The following USH2A variants were observed in gnomAD, a reference collection of about 807,000 sequenced individuals.
USH2A encodes Usher syndrome 2A (autosomal recessive, mild).
USH2A carries 443 observed loss-of-function variants against 538.9 expected under a neutral mutation model. The ratio of observed to expected loss-of-function variants is 0.82; its 90% confidence interval spans 0.76 to 0.89. The LOEUF (loss-of-function observed/expected upper bound fraction) is 0.89. Ranked by LOEUF, USH2A falls within the 40% of genes least tolerant of loss-of-function variation. USH2A has a pLI of 0.00. For missense variants in USH2A, 6,633 were observed against 6,324.8 expected (o/e 1.05, Z -1.65); for synonymous variants, 2,413 against 2,273.5 (o/e 1.06, Z -1.75).
At chr1:215,743,386 ATGTG>A (rs61304768) in intron 58 of USH2A, 51 bp from the exon 59 acceptor site, 9,699 of 321,852 alleles carry the variant, frequency 0.03, 81 homozygotes, top group Non-Finnish European at 0.035. Flanking sequence ...ATATATATAT[ATGTG>A]TGTGTGTGTG....
At chr1:215,931,462 A>G (rs2102496908) in intron 38 of USH2A, among the ~76,000 whole-genome samples, 1 of 152,112 alleles carries the variant, frequency 6.6e-6, no homozygotes, top group South Asian at 2.1e-4. Context: ...AAGAATGAAG[A>G]GTTGGCATAA....
intron 40 of USH2A, among the ~76,000 whole-genome samples, chr1:215,899,170 G>C (rs1045226208): frequency 6.6e-6 from 1 of 152,108 alleles, no homozygotes. Context: ...ATAAACAATT[G>C]ATATTGTTGC....
chr1:216,368,632 A>G (rs2038644380), intron 3 of USH2A, among the ~76,000 whole-genome samples: 1 of 152,218 alleles, frequency 6.6e-6, no homozygotes, highest in Non-Finnish European at 1.5e-5. Context: ...AGGAGCTTGT[A>G]TGTATGATGA....
chr1:216,238,528 C>T (rs2035873444), intron 13 of USH2A, among the ~76,000 whole-genome samples: 1 of 152,144 alleles, frequency 6.6e-6, no homozygotes, highest in African/African-American at 2.4e-5. Context: ...TTTTAAAATA[C>T]TTAATGGAGG....
chr1:215,727,931 A>G, intron 61 of USH2A, 99 bp downstream of exon 61: 1 of 1,351,712 alleles, frequency 7.4e-7, no homozygotes, highest in South Asian at 1.2e-5. Context: ...CATATATTTA[A>G]GCCCTAAGTG....
intron 70 of USH2A, chr1:215,630,310 A>G (rs1049802611): frequency 2.9e-5 from 13 of 455,446 alleles, no homozygotes; most frequent in Non-Finnish European, 4.9e-5. Context: ...TTTTAAACAC[A>G]TTCCTTGCAT....
intron 44 of USH2A, among the ~76,000 whole-genome samples, chr1:215,849,904 A>C (rs1663971643): frequency 6.6e-6 from 1 of 152,128 alleles, no homozygotes; most frequent in African/African-American, 2.4e-5. Flanking sequence ...TTATTTGGGC[A>C]AATTTAAGAG....
intron 69 of USH2A, among the ~76,000 whole-genome samples, chr1:215,637,147 C>T (rs985669345): frequency 1.4e-4 from 22 of 152,058 alleles, no homozygotes; most frequent in African/African-American, 4.8e-4. Flanking sequence ...AGAGTAAATC[C>T]GTCTCTGTTG....
chr1:215,948,653 C>CCA (rs1388955771), intron 37 of USH2A, among the ~76,000 whole-genome samples: 1 of 151,726 alleles, frequency 6.6e-6, no homozygotes, highest in Non-Finnish European at 1.5e-5. Flanking sequence ...TTAGAAACAC[C>CCA]CACCCTCTTG....
At chr1:215,673,329 C>T (rs1571947054) in intron 63 of USH2A, among the ~76,000 whole-genome samples, 1 of 152,164 alleles carries the variant, frequency 6.6e-6, no homozygotes, top group African/African-American at 2.4e-5. Flanking sequence ...AATCAACACT[C>T]TTTCAGCCTT....
chr1:216,371,778 T>C (rs1009739141), intron 3 of USH2A, among the ~76,000 whole-genome samples: 1 of 152,152 alleles, frequency 6.6e-6, no homozygotes. Context: ...TAATAAACAC[T>C]AACTGATTGA....
At chr1:215,704,915 T>C (rs1659141657) in intron 61 of USH2A, among the ~76,000 whole-genome samples, 1 of 152,196 alleles carries the variant, frequency 6.6e-6, no homozygotes, top group African/African-American at 2.4e-5. Flanking sequence ...TTCTCCCCAC[T>C]AGACCTTGAA....
chr1:215,768,284 C>T (rs1340287662), intron 55 of USH2A, among the ~76,000 whole-genome samples: 1 of 152,168 alleles, frequency 6.6e-6, no homozygotes, highest in South Asian at 2.1e-4. Flanking sequence ...TCTGAAAGAA[C>T]AACAACTTTG....
At chr1:215,833,065 T>C (rs1229008145) in intron 47 of USH2A, among the ~76,000 whole-genome samples, 1 of 151,978 alleles carries the variant, frequency 6.6e-6, no homozygotes, top group Non-Finnish European at 1.5e-5. Flanking sequence ...GGAAAGAAGA[T>C]GCAAATAAAT....
chr1:216,260,669 C>T (rs1006108986), intron 11 of USH2A, among the ~76,000 whole-genome samples: 3 of 152,114 alleles, frequency 2.0e-5, no homozygotes, highest in African/African-American at 7.2e-5. Flanking sequence ...CCTTTTCAAC[C>T]CCACTCAGCC....
intron 21 of USH2A, among the ~76,000 whole-genome samples, chr1:216,101,248 G>T (rs912341992): frequency 6.6e-6 from 1 of 151,940 alleles, no homozygotes; most frequent in African/African-American, 2.4e-5. Flanking sequence ...AAATAAAAAA[G>T]AATACATTTA....
chr1:216,290,505 T>C (rs1415993594), intron 10 of USH2A, among the ~76,000 whole-genome samples: 1 of 152,128 alleles, frequency 6.6e-6, no homozygotes, highest in African/African-American at 2.4e-5. Context: ...ACAATACCCA[T>C]TGCATCTCTT....
At chr1:216,407,723 GC>G (rs2039419366) in intron 3 of USH2A, among the ~76,000 whole-genome samples, 1 of 152,074 alleles carries the variant, frequency 6.6e-6, no homozygotes, top group South Asian at 2.1e-4. Flanking sequence ...GCATCAGTTA[GC>G]CCTTTGGGCA....
chr1:215,743,222 T>C lies in USH2A; in HGVS notation c.11503A>G (p.Thr3835Ala). Residue 3835 changes from threonine to alanine, a missense_variant, in exon 59 of 72, where the codon ACT (threonine) becomes GCT (alanine). Transcript: ENST00000307340. Reference sequence around the variant, plus strand: ...CTTATCTCATACTGTGTGAATGGAGTCAAATTTTCCAGAAGGGTGGATTGA... The same window carrying C: ...CTTATCTCATACTGTGTGAATGGAGCCAAATTTTCCAGAAGGGTGGATTGA... ...HHQSTLLENL[T>A]PFTQYEIRIQ... is the part of the protein sequence containing the mutation. 1 of 1,612,248 alleles carries C rather than the reference T, an allele frequency of 6.2e-7. No individual in the cohort carries two copies. Among genetic ancestry groups the C allele is most frequent in the Non-Finnish European group, 8.5e-7 (1 of 1,179,440 alleles).
Sources: allele counts gnomAD v4.1 joint callset (sites outside exome capture counted in the v4.1 genomes callset), GRCh38; gene constraint gnomAD v4.1.1; transcripts MANE v1.5; gene names NCBI Gene and HGNC (gene_info 2026-07-23, HGNC 2026-07-21).